DNM3: variants seen among roughly 807,000 people sequenced by gnomAD.
The protein encoded by DNM3 is dynamin-3.
In DNM3, 47 loss-of-function variants were observed where a neutral mutation model predicts 101.6. The ratio of observed to expected loss-of-function variants is 0.46; its 90% CI spans 0.37 to 0.59. The LOEUF is 0.59. Among genes scored for constraint, DNM3 ranks in the 20% least tolerant of loss-of-function variants. The pLI is 0.00. For synonymous variants in DNM3, 385 were observed against 387.9 expected, an observed-to-expected ratio of 0.99 and a Z score of 0.09; for missense variants, 849 against 1,085.7, an observed-to-expected ratio of 0.78 and a Z score of 3.06.
chr1:171,924,946 C>T (rs2040445059), intron 2 of DNM3, among the ~76,000 whole-genome samples: 1 of 150,980 alleles, frequency 6.6e-6, no homozygotes, highest in Admixed American at 6.6e-5. Context: ...CTTGCCTAGG[C>T]TGGAGTGCAG....
At chr1:172,054,464 G>C (rs2050430256) in intron 10 of DNM3, among the ~76,000 whole-genome samples, 1 of 152,022 alleles carries the variant, frequency 6.6e-6, no homozygotes, top group African/African-American at 2.4e-5. Context: ...ATCATCACAG[G>C]GTGCTGAAGG....
chr1:172,358,032 C>G (rs1204412993), intron 17 of DNM3, among the ~76,000 whole-genome samples: 3 of 152,024 alleles, frequency 2.0e-5, no homozygotes, highest in African/African-American at 7.2e-5. Context: ...AAAATGCCAT[C>G]TTTTCCTACC....
intron 10 of DNM3, among the ~76,000 whole-genome samples, chr1:172,063,401 A>T (rs1207510845): frequency 1.3e-5 from 2 of 151,814 alleles, no homozygotes; most frequent in Non-Finnish European, 2.9e-5. Flanking sequence ...AATGTGATCC[A>T]TACTGAAATT....
intron 11 of DNM3, among the ~76,000 whole-genome samples, chr1:172,075,155 T>G (rs556798602): frequency 3.2e-4 from 44 of 135,754 alleles, no homozygotes; most frequent in Admixed American, 6.7e-4. Flanking sequence ...TTGCCCACTT[T>G]TTGATTTTTT....
At position 171,989,164 on chromosome 1, in the gene DNM3, C is replaced by A; in HGVS notation, c.589+16C>A. 6.2e-7 allele frequency: 1 copy of A among 1,607,698 alleles called. No individual in the cohort carries two copies. On this transcript the variant is annotated intron_variant, in intron 4 of 20. Transcript: ENST00000627582. Reference sequence around the variant, plus strand: ...GATCCTCAAGGTGAGTGTGTGACTACTAAGATGAGAAGGAATTAAAGTGTC... The same window carrying A: ...GATCCTCAAGGTGAGTGTGTGACTAATAAGATGAGAAGGAATTAAAGTGTC...
At chr1:171,898,705 T>TAGAGAG (rs60596739) in intron 1 of DNM3, among the ~76,000 whole-genome samples, 200 of 150,406 alleles carry the variant, frequency 1.3e-3, no homozygotes, top group Admixed American at 2.3e-3. Context: ...TATATATATA[T>TAGAGAG]AGAGAGAGAG....
intron 14 of DNM3, among the ~76,000 whole-genome samples, chr1:172,190,193 T>C (rs1046328888): frequency 2.6e-5 from 4 of 152,040 alleles, no homozygotes; most frequent in African/African-American, 9.7e-5. Flanking sequence ...CCCCAGTGTG[T>C]GATGTTCCCC....
At chr1:171,867,407 T>A (rs1243181053) in intron 1 of DNM3, among the ~76,000 whole-genome samples, 2 of 152,256 alleles carry the variant, frequency 1.3e-5, no homozygotes, top group African/African-American at 4.8e-5. Context: ...ATATTTGGAA[T>A]ATGAAGTCAC....
chr1:171,865,270 C>T (rs557147670), intron 1 of DNM3, among the ~76,000 whole-genome samples: 1 of 151,684 alleles, frequency 6.6e-6, no homozygotes, highest in African/African-American at 2.4e-5. Flanking sequence ...AACCCCAGCA[C>T]TCTGGGAGGC....
At chr1:171,962,035 G>A (rs1328233785) in intron 2 of DNM3, among the ~76,000 whole-genome samples, 1 of 152,152 alleles carries the variant, frequency 6.6e-6, no homozygotes, top group African/African-American at 2.4e-5. Flanking sequence ...GTGGCAGAGG[G>A]TATCACATGG....
chr1:172,369,710 A>G (rs1163582287), intron 17 of DNM3, among the ~76,000 whole-genome samples: 2 of 152,012 alleles, frequency 1.3e-5, no homozygotes, highest in Non-Finnish European at 2.9e-5. Flanking sequence ...ACTTTCTACA[A>G]TAAAAGAATG....
In DNM3 at chr1:171,847,418, AGGAAGGT is replaced by A. The variant is rs1053932910; in HGVS notation, c.161+5604_161+5610del. ...TGTACTGAAGTATCTATGTCAAAGC[AGGAAGGT>A]GGTGATCTGTGTCTCAGTTTCTGAG... On this transcript the variant is annotated intron_variant, in intron 1 of 20. Coordinates refer to ENST00000627582, the MANE Select transcript of DNM3 (RefSeq NM_015569.5). Among the ~76,000 whole-genome samples the A allele has an allele frequency of 2.0e-4, 31 of 152,318 alleles. 1 individual carries two copies. In the South Asian group the frequency reaches 6.0e-3, roughly 30 times the overall value.
At chr1:171,973,354 G>A (rs2044150218) in intron 2 of DNM3, among the ~76,000 whole-genome samples, 1 of 152,078 alleles carries the variant, frequency 6.6e-6, no homozygotes, top group South Asian at 2.1e-4. Flanking sequence ...ACCTCTTTGA[G>A]GCTAAGGCTT....
chr1:172,260,641 A>T (rs915870113), intron 15 of DNM3, among the ~76,000 whole-genome samples: 1 of 152,100 alleles, frequency 6.6e-6, no homozygotes, highest in African/African-American at 2.4e-5. Context: ...ATATTATTCA[A>T]TGAATTCGTC....
At chr1:171,981,186 C>T (rs189366827) in intron 2 of DNM3, among the ~76,000 whole-genome samples, 1 of 152,288 alleles carries the variant, frequency 6.6e-6, no homozygotes, top group Admixed American at 6.5e-5. Context: ...CTTTATACAG[C>T]CAGTGAATTC....
intron 15 of DNM3, among the ~76,000 whole-genome samples, chr1:172,302,141 C>T (rs958051673): frequency 6.6e-6 from 1 of 150,990 alleles, no homozygotes; most frequent in Non-Finnish European, 1.5e-5. Flanking sequence ...ACAGACTATA[C>T]CTGGAAAAAT....
chr1:172,132,785 C>T (rs2057008892), intron 14 of DNM3: 1 of 657,716 alleles, frequency 1.5e-6, no homozygotes, highest in Admixed American at 2.5e-5. Context: ...TAACCATATT[C>T]AGCCTTAACT....
intron 20 of DNM3, among the ~76,000 whole-genome samples, chr1:172,392,114 A>AT (rs1558082526): frequency 6.6e-6 from 1 of 152,082 alleles, no homozygotes; most frequent in Non-Finnish European, 1.5e-5. Flanking sequence ...TGGTGGAGTC[A>AT]TTTTTGGCCC....
At chr1:172,375,935 T>C (rs1375315090) in intron 17 of DNM3, among the ~76,000 whole-genome samples, 1 of 151,196 alleles carries the variant, frequency 6.6e-6, no homozygotes, top group Non-Finnish European at 1.5e-5. Context: ...GAGACTGCAG[T>C]GAGCTATGAT....
Sources: allele counts gnomAD v4.1 joint callset (sites outside exome capture counted in the v4.1 genomes callset), GRCh38; gene constraint gnomAD v4.1.1; transcripts MANE v1.5; gene names NCBI Gene and HGNC (gene_info 2026-07-23, HGNC 2026-07-21).